Variants in TENM3 observed in about 807,000 individuals in gnomAD.
The protein encoded by TENM3 is teneurin transmembrane protein 3.
A neutral mutation model predicts 255.1 loss-of-function variants in TENM3; 63 were observed. The ratio of observed to expected loss-of-function variants is 0.25; its 90% CI spans 0.20 to 0.30. The LOEUF is 0.30. TENM3 is among the 10% of genes least tolerant of loss of function. The probability of loss-of-function intolerance (pLI) is 1.00; values close to 1 mark genes in which losing one functional copy is unlikely to be tolerated. For missense variants in TENM3, 2,929 were observed against 3,461.1 expected, an observed-to-expected ratio of 0.85 and a Z score of 3.86; for synonymous variants, 1,306 against 1,322.3, an observed-to-expected ratio of 0.99 and a Z score of 0.27.
intron 1 of TENM3, among the ~76,000 whole-genome samples, chr4:182,246,041 CG>C (rs1170111295): frequency 1.3e-5 from 2 of 152,094 alleles, no homozygotes; most frequent in African/African-American, 4.8e-5. Context: ...CGGGAAATAG[CG>C]TAAGAGCTCA....
the TENM3 span, among the ~76,000 whole-genome samples, chr4:181,584,373 C>T: frequency 6.6e-6 from 1 of 152,160 alleles, no homozygotes; most frequent in African/African-American, 2.4e-5. Flanking sequence ...TTCATTTAGT[C>T]CTCTTACCTA....
chr4:182,673,058 G>T lies in TENM3; in HGVS notation c.1165G>T (p.Asp389Tyr). ...ENNTIDSGEL[D>Y]IGRRAIQEIP... Reference sequence around the variant, plus strand: ...TAACACCATAGATTCCGGAGAACTTGATATTGGCCGAAGAGCAATTCAAGA... The same window carrying T: ...TAACACCATAGATTCCGGAGAACTTTATATTGGCCGAAGAGCAATTCAAGA... Residue 389 changes from aspartate to tyrosine, a missense_variant, in exon 7 of 28, where the codon GAT becomes TAT. Asp to Tyr is a radical substitution (Grantham distance 160). Coordinates refer to ENST00000511685, the MANE Select transcript of TENM3 (RefSeq NM_001080477.4). The T allele has an allele frequency of 1.2e-6, 2 of 1,608,496 alleles. No individual in the cohort carries two copies. Among genetic ancestry groups the T allele is most frequent in the Non-Finnish European group, 1.7e-6 (2 of 1,176,896 alleles).
intron 3 of TENM3, among the ~76,000 whole-genome samples, chr4:182,485,805 A>G (rs1027523965): frequency 5.3e-5 from 8 of 152,182 alleles, no homozygotes; most frequent in Admixed American, 4.6e-4. Context: ...CCTGTTCTCA[A>G]GGTGTTTATA....
chr4:182,413,442 C>G (rs1770150843), intron 3 of TENM3, among the ~76,000 whole-genome samples: 1 of 152,024 alleles, frequency 6.6e-6, no homozygotes, highest in South Asian at 2.1e-4. Context: ...CATGGCGAAA[C>G]CCTGTCTCTA....
chr4:182,114,000 A>G, the TENM3 span, among the ~76,000 whole-genome samples: 1 of 152,328 alleles, frequency 6.6e-6, no homozygotes, highest in Admixed American at 6.5e-5. Context: ...AAGAATGTCC[A>G]GATATTTGCC....
chr4:182,482,309 G>A (rs1446135330), intron 3 of TENM3, among the ~76,000 whole-genome samples: 1 of 152,078 alleles, frequency 6.6e-6, no homozygotes, highest in Non-Finnish European at 1.5e-5. Context: ...TAAGGATAAA[G>A]TAAACCTAGT....
At chr4:181,742,045 A>G in the TENM3 span, among the ~76,000 whole-genome samples, 1 of 152,176 alleles carries the variant, frequency 6.6e-6, no homozygotes, top group Non-Finnish European at 1.5e-5. Context: ...AAATTGACAT[A>G]GTTCTTCAGA....
At chr4:182,784,750 C>T (rs1350316490) in intron 24 of TENM3, among the ~76,000 whole-genome samples, 6 of 152,008 alleles carry the variant, frequency 3.9e-5, no homozygotes, top group Non-Finnish European at 8.8e-5. Context: ...GGGATATAAT[C>T]TCCTGGTGTG....
intron 3 of TENM3, among the ~76,000 whole-genome samples, chr4:182,457,279 A>T (rs1037739728): frequency 1.3e-5 from 2 of 152,012 alleles, no homozygotes; most frequent in African/African-American, 4.8e-5. Flanking sequence ...AGACTTTTAG[A>T]ACTGAAGATA....
the TENM3 span, among the ~76,000 whole-genome samples, chr4:181,691,692 A>T: frequency 6.6e-6 from 1 of 152,166 alleles, no homozygotes; most frequent in African/African-American, 2.4e-5. Flanking sequence ...CAATGTGATC[A>T]ACCAATACAT....
the TENM3 span, among the ~76,000 whole-genome samples, chr4:181,818,252 A>G: frequency 9.0e-3 from 1,374 of 152,284 alleles, 26 homozygotes; most frequent in African/African-American, 0.032. Context: ...GTAGATGTTA[A>G]TTAAGTCCAT....
At chr4:182,725,989 G>A (rs1181046716) in intron 13 of TENM3, among the ~76,000 whole-genome samples, 1 of 152,010 alleles carries the variant, frequency 6.6e-6, no homozygotes, top group Non-Finnish European at 1.5e-5. Context: ...TAAACATGCA[G>A]TTTCAAATGG....
chr4:181,612,322 C>T, the TENM3 span, among the ~76,000 whole-genome samples: 1 of 152,216 alleles, frequency 6.6e-6, no homozygotes. Context: ...ATCCCATCAC[C>T]GTTGGGACCA....
chr4:181,800,941 C>T, the TENM3 span, among the ~76,000 whole-genome samples: 55 of 152,192 alleles, frequency 3.6e-4, no homozygotes, highest in African/African-American at 1.3e-3. Flanking sequence ...AGTGGAACAA[C>T]ATGAAAAATA....
At chr4:181,619,958 T>C in the TENM3 span, among the ~76,000 whole-genome samples, 1 of 152,210 alleles carries the variant, frequency 6.6e-6, no homozygotes, top group African/African-American at 2.4e-5. Flanking sequence ...TGGAGGTTTT[T>C]ATTTGATGTG....
the TENM3 span, among the ~76,000 whole-genome samples, chr4:181,878,217 A>G: frequency 4.6e-5 from 7 of 152,110 alleles, no homozygotes; most frequent in African/African-American, 1.7e-4. Context: ...CTTATATACA[A>G]GGCTGTGTAT....
At chr4:181,932,646 C>A in the TENM3 span, among the ~76,000 whole-genome samples, 1 of 152,170 alleles carries the variant, frequency 6.6e-6, no homozygotes, top group Non-Finnish European at 1.5e-5. Context: ...CCATTTGACC[C>A]ACCAATCCCA....
At chr4:182,066,826 GC>G in the TENM3 span, among the ~76,000 whole-genome samples, 95 of 152,204 alleles carry the variant, frequency 6.2e-4, no homozygotes, top group Non-Finnish European at 1.2e-3. Context: ...CAGGAGAATG[GC>G]GTGAACCCGG....
chr4:181,534,466 T>TCCCCC, the TENM3 span, among the ~76,000 whole-genome samples: 1 of 100,078 alleles, frequency 1.0e-5, no homozygotes, highest in Admixed American at 8.6e-5. Context: ...CCTGAGGTCT[T>TCCCCC]CCCCCCCCCC....
Sources: gnomAD v4.1 joint callset for allele counts (sites outside exome capture counted in the v4.1 genomes callset) on GRCh38, gnomAD v4.1.1 for gene constraint, MANE v1.5 for transcripts, NCBI Gene and HGNC (gene_info 2026-07-23, HGNC 2026-07-21) for gene names.